Variants in PRH1 observed in about 807,000 individuals in gnomAD.
PRH1 encodes the protein proline rich protein HaeIII subfamily 1, also known as salivary acidic proline-rich phosphoprotein 1/2.
PRH1 carries 7 observed loss-of-function variants against 7.9 expected under a neutral mutation model. That is an observed-to-expected ratio of 0.89 (90% CI 0.50 to 1.67). The LOEUF (loss-of-function observed/expected upper bound fraction) is 1.67. Ranked by LOEUF, PRH1 falls within the 40% of genes most tolerant of loss-of-function variation. PRH1 has a pLI of 0.00. For missense variants in PRH1, 109 were observed against 223.6 expected (o/e 0.49, Z 3.27); for synonymous variants, 45 against 80.8 (o/e 0.56, Z 2.38).
At chr12:10,941,109 A>C (rs141258536) in intron 2 of PRH1, among the ~76,000 whole-genome samples, 2 of 152,184 alleles carry the variant, frequency 1.3e-5, no homozygotes, top group Non-Finnish European at 2.9e-5. Context: ...AAAGAAGACA[A>C]AGAGAAAGAC....
At chr12:10,920,211 A>G (rs1950027057) in intron 2 of PRH1, among the ~76,000 whole-genome samples, 1 of 150,770 alleles carries the variant, frequency 6.6e-6, no homozygotes, top group African/African-American at 2.5e-5. Flanking sequence ...AAGTCTTGCT[A>G]TCTACTGGAT....
intron 2 of PRH1, among the ~76,000 whole-genome samples, chr12:10,967,927 A>G (rs1295090246): frequency 6.6e-6 from 1 of 152,196 alleles, no homozygotes; most frequent in African/African-American, 2.4e-5. Context: ...CTTTTTAAAA[A>G]TAAGAGATTA....
At chr12:11,073,415 TG>T (rs1317114514) in intron 1 of PRH1, among the ~76,000 whole-genome samples, 1 of 134,946 alleles carries the variant, frequency 7.4e-6, no homozygotes, top group Non-Finnish European at 1.7e-5. Context: ...ATTACAGGGG[TG>T]AGCCACCATG....
At chr12:11,019,464 G>A (rs984234373) in intron 1 of PRH1, among the ~76,000 whole-genome samples, 2 of 152,260 alleles carry the variant, frequency 1.3e-5, no homozygotes, top group Admixed American at 1.3e-4. Context: ...GACACCAAAA[G>A]CTAAGATATA....
intron 1 of PRH1, among the ~76,000 whole-genome samples, chr12:11,168,276 GAAA>G (rs1565725557): frequency 0.014 from 457 of 32,454 alleles, 85 homozygotes; most frequent in Middle Eastern, 0.041. Context: ...AAGAAAGAAA[GAAA>G]GAAAGAAAGA....
intron 1 of PRH1, chr12:11,133,973 G>A (rs748755009): frequency 1.2e-6 from 2 of 1,613,930 alleles, no homozygotes; most frequent in Admixed American, 1.7e-5. Flanking sequence ...GAAATGGTTG[G>A]TTACTGCCCA....
chr12:11,063,107 T>C (rs753061028), intron 1 of PRH1, among the ~76,000 whole-genome samples: 4 of 152,144 alleles, frequency 2.6e-5, no homozygotes, highest in African/African-American at 9.6e-5. Context: ...AACATATCTC[T>C]AATTCTTAGG....
intron 2 of PRH1, among the ~76,000 whole-genome samples, chr12:10,916,655 C>G (rs1949976059): frequency 6.6e-6 from 1 of 151,306 alleles, no homozygotes; most frequent in African/African-American, 2.4e-5. Context: ...TGCAAAAGGA[C>G]CATTCAGAAA....
At chr12:10,962,741 A>G (rs1248062239) in intron 2 of PRH1, among the ~76,000 whole-genome samples, 1 of 152,248 alleles carries the variant, frequency 6.6e-6, no homozygotes, top group Non-Finnish European at 1.5e-5. Flanking sequence ...GCAGTCAACA[A>G]TAAGCAAGGT....
intron 2 of PRH1, among the ~76,000 whole-genome samples, chr12:10,951,938 A>G (rs539784375): frequency 2.6e-5 from 4 of 152,328 alleles, no homozygotes; most frequent in Admixed American, 2.6e-4. Flanking sequence ...TTGGAGTCAG[A>G]CTGCCAGGAA....
At chr12:11,113,400 A>T (rs1033976220) in intron 1 of PRH1, among the ~76,000 whole-genome samples, 4 of 152,186 alleles carry the variant, frequency 2.6e-5, no homozygotes, top group Non-Finnish European at 5.9e-5. Flanking sequence ...AGGCCTCAGA[A>T]ATAATGCCAC....
chr12:10,916,948 C>T (rs914692492), intron 2 of PRH1, among the ~76,000 whole-genome samples: 7 of 151,958 alleles, frequency 4.6e-5, no homozygotes, highest in African/African-American at 9.7e-5. Flanking sequence ...TGGTGGTGCA[C>T]ATCTGTAGTC....
intron 1 of PRH1, chr12:11,078,837 C>T (rs1464730743): frequency 2.0e-5 from 3 of 152,040 alleles, no homozygotes; most frequent in Non-Finnish European, 2.9e-5. Flanking sequence ...CCTGGGAGGC[C>T]GATACACCTG....
At chr12:10,922,317 G>A (rs1950057179) in intron 2 of PRH1, among the ~76,000 whole-genome samples, 1 of 152,162 alleles carries the variant, frequency 6.6e-6, no homozygotes, top group Non-Finnish European at 1.5e-5. Flanking sequence ...AATGGATATG[G>A]ATTCTTAGCT....
chr12:11,111,550 C>G (rs1174953668), intron 1 of PRH1, among the ~76,000 whole-genome samples: 1 of 152,208 alleles, frequency 6.6e-6, no homozygotes, highest in Non-Finnish European at 1.5e-5. Flanking sequence ...TCTTGAATGA[C>G]TACTGAGTAA....
At chr12:11,149,390 G>C (rs1946987932) in intron 1 of PRH1, among the ~76,000 whole-genome samples, 1 of 152,128 alleles carries the variant, frequency 6.6e-6, no homozygotes, top group Non-Finnish European at 1.5e-5. Context: ...AACAAAGCTG[G>C]AGGCATCACG....
intron 2 of PRH1, among the ~76,000 whole-genome samples, chr12:10,962,919 G>A (rs1485936823): frequency 2.0e-5 from 3 of 152,112 alleles, no homozygotes; most frequent in Admixed American, 1.3e-4. Context: ...ACAGGCTCCC[G>A]CCACCACGCC....
chr12:10,930,654 T>C lies in PRH1; in HGVS notation c.-59+43001A>G, dbSNP rs7311718. 3.5e-3 allele frequency: 5,576 copies of C among 1,613,606 alleles called. 196 individuals carry two copies. In the African/African-American group the frequency reaches 0.065, roughly 19 times the overall value. On this transcript the variant is annotated intron_variant, in intron 2 of 3. Coordinates refer to the PRH1 transcript ENST00000539853. ...TGAGCTCAGCTCTTCTTGTTTCAACTCACACAGATGGAGGAGACTCTGAGC... is the reference window on the plus strand; with the variant it reads ...TGAGCTCAGCTCTTCTTGTTTCAACCCACACAGATGGAGGAGACTCTGAGC...
chr12:10,940,008 T>A (rs1231633768), intron 2 of PRH1, among the ~76,000 whole-genome samples: 1 of 152,084 alleles, frequency 6.6e-6, no homozygotes, highest in Non-Finnish European at 1.5e-5. Flanking sequence ...CAATTTACAA[T>A]AAAAATAAAG....
Sources: allele counts gnomAD v4.1 joint callset (sites outside exome capture counted in the v4.1 genomes callset), GRCh38; gene constraint gnomAD v4.1.1; transcripts MANE v1.5; gene names NCBI Gene and HGNC (gene_info 2026-07-23, HGNC 2026-07-21).